The following GUCY2C variants were observed in gnomAD, a reference collection of about 807,000 sequenced individuals.
The protein encoded by GUCY2C is guanylate cyclase 2C.
GUCY2C carries 118 observed loss-of-function variants against 131.1 expected under a neutral mutation model. The ratio of observed to expected loss-of-function variants is 0.90; its 90% CI spans 0.78 to 1.05. The LOEUF (loss-of-function observed/expected upper bound fraction) is 1.05. Ranked by LOEUF, GUCY2C falls within the 50% of genes least tolerant of loss-of-function variation. The pLI, the probability that GUCY2C is intolerant of heterozygous loss-of-function variation, is 0.00. For synonymous variants in GUCY2C, 452 were observed against 457.8 expected, an observed-to-expected ratio of 0.99 and a Z score of 0.16; for missense variants, 1,161 against 1,304.4, an observed-to-expected ratio of 0.89 and a Z score of 1.69.
At chr12:14,658,077 T>G (rs1014566654) in intron 11 of GUCY2C, among the ~76,000 whole-genome samples, 3 of 152,190 alleles carry the variant, frequency 2.0e-5, no homozygotes, top group Non-Finnish European at 4.4e-5. Flanking sequence ...TTCAAATATT[T>G]TCTAGCTATT....
Position 14,672,908 on chromosome 12 carries a change from T to C in GUCY2C, c.1135A>G (p.Met379Val), listed in dbSNP as rs1948145818. Residue 379 changes from methionine (M) to valine (V), a missense_variant, in exon 9 of 27, where the codon ATG (methionine) becomes GTG (valine). Physicochemically the swap from Met to Val is conservative, Grantham distance 21. Coordinates refer to ENST00000261170, the MANE Select transcript of GUCY2C (RefSeq NM_004963.4). ...LDDWGDVDST[M>V]VLLYTSVDTK... Reference sequence around the variant, plus strand: ...TCCACAGAGGTATACAGAAGCACCATGGTACTGTCAACATCCCCCCAGTCA... The same window carrying C: ...TCCACAGAGGTATACAGAAGCACCACGGTACTGTCAACATCCCCCCAGTCA... The C allele has an allele frequency of 2.5e-6, 4 of 1,608,728 alleles. No individual in the cohort carries two copies. The highest frequency in any genetic ancestry group is 2.6e-6 in the Non-Finnish European group (3 of 1,175,116).
chr12:14,674,993 T>C (rs1011364662), intron 7 of GUCY2C, among the ~76,000 whole-genome samples: 3 of 151,998 alleles, frequency 2.0e-5, no homozygotes, highest in Non-Finnish European at 2.9e-5. Context: ...GCGGAGCACC[T>C]GAGTTCAGGA....
At chr12:14,670,817 T>A (rs9737896) in intron 9 of GUCY2C, among the ~76,000 whole-genome samples, 143,572 of 148,834 alleles carry the variant, frequency 0.96, 69,387 homozygotes, top group South Asian at 0.99. Context: ...CTGAAAAAAA[T>A]TTTTTTTTTC....
chr12:14,674,904 A>C, intron 7 of GUCY2C, 144 bp from the exon 8 acceptor site: 1 of 651,064 alleles, frequency 1.5e-6, no homozygotes, highest in Non-Finnish European at 2.6e-6. Context: ...ATTAAAGGAG[A>C]CTTTTAGAAA....
In GUCY2C at chr12:14,645,431, T is replaced by C. The variant is rs1157093416; in HGVS notation, c.1711-116A>G. The C allele has an allele frequency of 5.0e-6, 3 of 603,336 alleles. No individual in the cohort carries two copies. In the African/African-American group the frequency reaches 5.6e-5, roughly 11 times the overall value. 37.4% of individuals were successfully genotyped at this position (603,336 alleles called of 1,614,324 possible). A position where few individuals can be genotyped will look rare whatever the true frequency, so the allele number is the denominator to read the frequency against. ...ATGAAACCTTAGGATCAGGAACAAA[T>C]TGGAATTCCATTGTCTGGGATTTCA... On this transcript the variant is annotated intron_variant, in intron 15 of 26. Transcript: ENST00000261170.
chr12:14,643,728 A>G (rs1947456445), intron 16 of GUCY2C, 22 bp from the exon 17 acceptor site: 4 of 1,604,990 alleles, frequency 2.5e-6, no homozygotes, highest in African/African-American at 1.3e-5. Flanking sequence ...TAGATGATAG[A>G]AAAACAGAAA....
intron 10 of GUCY2C, among the ~76,000 whole-genome samples, chr12:14,662,966 A>G (rs969562030): frequency 6.6e-6 from 1 of 152,216 alleles, no homozygotes; most frequent in Non-Finnish European, 1.5e-5. Flanking sequence ...ATAGGACAAC[A>G]CTAGAAGCTC....
intron 11 of GUCY2C, among the ~76,000 whole-genome samples, chr12:14,659,235 G>A (rs1947818049): frequency 6.6e-6 from 1 of 152,066 alleles, no homozygotes; most frequent in Non-Finnish European, 1.5e-5. Flanking sequence ...AGTAGAGATG[G>A]AGTTTCACCA....
intron 1 of GUCY2C, among the ~76,000 whole-genome samples, chr12:14,688,710 T>C (rs12814091): frequency 0.17 from 26,266 of 152,200 alleles, 2,582 homozygotes; most frequent in Admixed American, 0.29. Context: ...CTTTGTGTGT[T>C]ACACAGAATA....
intron 4 of GUCY2C, among the ~76,000 whole-genome samples, chr12:14,681,881 C>A (rs2137091742): frequency 6.6e-6 from 1 of 152,166 alleles, no homozygotes; most frequent in East Asian, 1.9e-4. Flanking sequence ...TAAACTAGTC[C>A]CATTATAGAT....
Position 14,645,243 on chromosome 12 carries a change from A to G in GUCY2C, c.1783T>C (p.Tyr595His). The G allele has an allele frequency of 1.3e-6, 2 of 1,567,274 alleles. No individual in the cohort carries two copies. The highest frequency in any genetic ancestry group is 1.8e-6 in the Non-Finnish European group (2 of 1,138,482). Residue 595 changes from tyrosine (Y) to histidine (H), a missense_variant, in exon 16 of 27, where the codon TAT becomes CAT. Physicochemically the swap from Tyr to His is moderately conservative, Grantham distance 83. Transcript: ENST00000261170. ...GTTTCTCTTACCTTAGCAATGTCAT[A>G]CAAGACAGAGATCTTAAACTCCCAA... ...MDWEFKISVL[Y>H]DIAKGMSYLH...
intron 13 of GUCY2C, among the ~76,000 whole-genome samples, 172 bp from the exon 14 acceptor site, chr12:14,652,202 C>G (rs190922616): frequency 8.8e-4 from 117 of 132,274 alleles, no homozygotes; most frequent in African/African-American, 2.9e-3. Context: ...AAAGACAGAG[C>G]CTTGCTCTGT....
At chr12:14,652,157 T>G (rs549338718) in intron 13 of GUCY2C, 127 bp from the exon 14 acceptor site, 65 of 217,912 alleles carry the variant, frequency 3.0e-4, no homozygotes, top group Admixed American at 1.2e-3. Flanking sequence ...ATTTGATTGA[T>G]TTTTTATATT....
At chr12:14,693,351 C>A (rs564639925) in intron 1 of GUCY2C, among the ~76,000 whole-genome samples, 131 of 152,228 alleles carry the variant, frequency 8.6e-4, no homozygotes, top group African/African-American at 3.1e-3. Context: ...ATGTGATTAG[C>A]CTTGGAACCA....
intron 15 of GUCY2C, among the ~76,000 whole-genome samples, chr12:14,646,083 G>A (rs1448192153): frequency 6.6e-6 from 1 of 152,036 alleles, no homozygotes; most frequent in Non-Finnish European, 1.5e-5. Context: ...CAATCTGCCC[G>A]CCTCAGCCTC....
rs191193883 is a variant in GUCY2C, at chr12:14,686,837, C to T, written c.331-612G>A. Among the ~76,000 whole-genome samples, 52 of 152,298 alleles carry T rather than the reference C, an allele frequency of 3.4e-4. No homozygotes were observed. The East Asian group carries it at 4.8e-3, about 14-fold the overall frequency. ...TGAACTATGCTTGTGCACACCTTAC[C>T]TTCCCAAGATTGAGAATCACTGCTG... On this transcript the variant is annotated intron_variant, in intron 2 of 26. Coordinates refer to ENST00000261170, the MANE Select transcript of GUCY2C (RefSeq NM_004963.4).
At chr12:14,645,362 T>C in intron 15 of GUCY2C, 47 bp from the exon 16 acceptor site, 2 of 903,082 alleles carry the variant, frequency 2.2e-6, no homozygotes, top group Non-Finnish European at 3.7e-6. Context: ...CAAGAAAGGA[T>C]ATTGTGGAGA....
chr12:14,621,138 C>T lies in GUCY2C; in HGVS notation c.2680G>A (p.Ala894Thr). Residue 894 changes from alanine (A) to threonine (T), a missense_variant, in exon 23 of 27, where the codon GCC becomes ACC. Ala to Thr is a moderately conservative substitution (Grantham distance 58). Coordinates refer to ENST00000261170, the MANE Select transcript of GUCY2C (RefSeq NM_004963.4). ...RNGNRHAIDI[A>T]KMALEILSFM... ...CTGAGGATTTCCAAGGCCATCTTGG[C>T]AATGTCTATTGCATGCCGATTGCCA... 6.2e-7 allele frequency: 1 copy of T among 1,613,428 alleles called. No homozygotes were observed. Among genetic ancestry groups the T allele is most frequent in the Non-Finnish European group, 8.5e-7 (1 of 1,179,412 alleles).
At chr12:14,620,791 G>A (rs931844870) in intron 23 of GUCY2C, among the ~76,000 whole-genome samples, 1 of 152,142 alleles carries the variant, frequency 6.6e-6, no homozygotes, top group Non-Finnish European at 1.5e-5. Flanking sequence ...AAAGCTTCTT[G>A]TTTTCGTACA....
Sources: allele counts gnomAD v4.1 joint callset (sites outside exome capture counted in the v4.1 genomes callset), GRCh38; gene constraint gnomAD v4.1.1; transcripts MANE v1.5; gene names NCBI Gene and HGNC (gene_info 2026-07-23, HGNC 2026-07-21).